RBM33: variants seen among roughly 807,000 people sequenced by gnomAD.
RBM33 encodes the protein RNA-binding protein 33.
Under a neutral mutation model 132.6 loss-of-function variants are expected in RBM33, and 28 were observed. That is an observed-to-expected ratio of 0.21 (90% CI 0.16 to 0.29). The LOEUF (loss-of-function observed/expected upper bound fraction) is 0.29. RBM33 is among the 10% of genes least tolerant of loss of function. The pLI is 1.00. For missense variants in RBM33, 1,291 were observed against 1,518.5 expected, an observed-to-expected ratio of 0.85 and a Z score of 2.49; for synonymous variants, 634 against 593.0, an observed-to-expected ratio of 1.07 and a Z score of -1.01.
chr7:155,747,294 C>G (rs1801548275), intron 14 of RBM33, among the ~76,000 whole-genome samples: 1 of 152,122 alleles, frequency 6.6e-6, no homozygotes, highest in African/African-American at 2.4e-5. Context: ...TGCTTTTGAC[C>G]TTGTTTTTAA....
intron 6 of RBM33, among the ~76,000 whole-genome samples, chr7:155,705,076 T>G (rs1258534909): frequency 6.6e-6 from 1 of 152,228 alleles, no homozygotes; most frequent in Non-Finnish European, 1.5e-5. Flanking sequence ...TTTCTTAACA[T>G]TTTAGAAAGG....
chr7:155,738,803 A>G (rs1000246241), intron 11 of RBM33: 4 of 184,924 alleles, frequency 2.2e-5, no homozygotes, highest in African/African-American at 9.5e-5. Flanking sequence ...GGAGGGAAGA[A>G]GATGTTGCTG....
intron 6 of RBM33, 130 bp from the exon 7 acceptor site, chr7:155,706,730 G>C: frequency 2.9e-6 from 2 of 683,516 alleles, no homozygotes; most frequent in Non-Finnish European, 5.0e-6. Flanking sequence ...CTGCTAGTTG[G>C]GTGTTTCCTG....
At chr7:155,710,900 T>C (rs917321870) in intron 7 of RBM33, among the ~76,000 whole-genome samples, 6 of 127,220 alleles carry the variant, frequency 4.7e-5, no homozygotes, top group South Asian at 5.7e-4. Context: ...TTCAATTCCC[T>C]GAACTGAATT....
At chr7:155,711,695 A>T (rs544230722) in intron 8 of RBM33, among the ~76,000 whole-genome samples, 3 of 152,154 alleles carry the variant, frequency 2.0e-5, no homozygotes, top group Admixed American at 6.5e-5. Context: ...GATTTTGCCA[A>T]CTGTGCAATG....
At position 155,708,392 on chromosome 7, in the gene RBM33, G is replaced by A. The variant is rs1800177986; in HGVS notation, c.948+1324G>A. Among the ~76,000 whole-genome samples, 6 of 152,248 alleles carry A rather than the reference G, an allele frequency of 3.9e-5. No homozygotes were observed. The South Asian group carries it at 1.2e-3, about 32-fold the overall frequency. On this transcript the variant is annotated intron_variant, in intron 7 of 17. Transcript: ENST00000401878. Reference sequence around the variant, plus strand: ...ACCTCCACTGGCCATATGTTGAATAGCCATTTTGATTATTTTGGCCTCTTT... The same window carrying A: ...ACCTCCACTGGCCATATGTTGAATAACCATTTTGATTATTTTGGCCTCTTT...
rs192967238 is a variant in RBM33 at position 155,647,768 on chromosome 7, A to G, written c.43+2849A>G. Reference sequence around the variant, plus strand: ...TTGGTATTGCAGCCAAGTAGTAAGGATAGAGAAATGGAATTGCTATCCTTA... The same window carrying G: ...TTGGTATTGCAGCCAAGTAGTAAGGGTAGAGAAATGGAATTGCTATCCTTA... On this transcript the variant is annotated intron_variant, in intron 1 of 17. Transcript: ENST00000401878. Among the ~76,000 whole-genome samples, 615 of 152,308 alleles carry G rather than the reference A, an allele frequency of 4.0e-3. 2 individuals carry two copies. The highest frequency in any genetic ancestry group is 5.2e-3 in the Non-Finnish European group (356 of 68,034).
intron 9 of RBM33, among the ~76,000 whole-genome samples, chr7:155,727,080 C>T (rs2117006336): frequency 6.6e-6 from 1 of 152,336 alleles, no homozygotes; most frequent in East Asian, 1.9e-4. Context: ...ACTTAGTTAA[C>T]AGTGACTGTT....
intron 14 of RBM33, among the ~76,000 whole-genome samples, chr7:155,754,882 A>G (rs1801798087): frequency 6.6e-6 from 1 of 152,186 alleles, no homozygotes; most frequent in African/African-American, 2.4e-5. Context: ...GCCTGTGTAG[A>G]CCTAGTTCCA....
intron 16 of RBM33, among the ~76,000 whole-genome samples, chr7:155,769,480 A>G (rs181060378): frequency 3.3e-5 from 5 of 152,312 alleles, no homozygotes; most frequent in African/African-American, 1.2e-4. Flanking sequence ...TGCAGTGCAG[A>G]AGCCTCTCCC....
chr7:155,660,235 A>G (rs1202498543), intron 1 of RBM33, among the ~76,000 whole-genome samples: 2 of 152,096 alleles, frequency 1.3e-5, no homozygotes, highest in Non-Finnish European at 2.9e-5. Flanking sequence ...CACCACACCC[A>G]GCTAAGTTTT....
chr7:155,701,075 G>C (rs1171436476), intron 6 of RBM33, 131 bp downstream of exon 6: 1 of 760,328 alleles, frequency 1.3e-6, no homozygotes, highest in Non-Finnish European at 2.3e-6. Flanking sequence ...AGAGTGGCCG[G>C]ACTTTGGAGT....
At chr7:155,664,297 C>T (rs991268244) in intron 1 of RBM33, among the ~76,000 whole-genome samples, 20 of 151,682 alleles carry the variant, frequency 1.3e-4, no homozygotes, top group African/African-American at 4.6e-4. Context: ...TTCTGTCACT[C>T]AGGCTGAGTG....
chr7:155,758,983 G>C (rs955016306), intron 14 of RBM33, among the ~76,000 whole-genome samples: 1 of 152,184 alleles, frequency 6.6e-6, no homozygotes, highest in Non-Finnish European at 1.5e-5. Flanking sequence ...AGGCCCACCC[G>C]GCCCCACGGA....
intron 5 of RBM33, among the ~76,000 whole-genome samples, chr7:155,682,316 T>C (rs1163974084): frequency 6.6e-6 from 1 of 152,186 alleles, no homozygotes; most frequent in African/African-American, 2.4e-5. Context: ...AATAGAATCA[T>C]GTAAAAGGCA....
chr7:155,727,006 A>G (rs757897838), intron 9 of RBM33, among the ~76,000 whole-genome samples: 10 of 152,254 alleles, frequency 6.6e-5, no homozygotes, highest in Non-Finnish European at 1.0e-4. Flanking sequence ...TGTCAGCTAC[A>G]ATAGAATATC....
chr7:155,772,587 A>G (rs1802467145), intron 16 of RBM33, among the ~76,000 whole-genome samples: 1 of 152,214 alleles, frequency 6.6e-6, no homozygotes, highest in African/African-American at 2.4e-5. Context: ...GTGGGGCTTT[A>G]CTTTTCCTGT....
chr7:155,736,109 T>C (rs963213082), intron 9 of RBM33, among the ~76,000 whole-genome samples: 1 of 152,200 alleles, frequency 6.6e-6, no homozygotes, highest in African/African-American at 2.4e-5. Context: ...ATCTTAAGGG[T>C]TTGTGGTGTT....
intron 1 of RBM33, among the ~76,000 whole-genome samples, chr7:155,655,517 G>T (rs1798467677): frequency 7.8e-6 from 1 of 127,504 alleles, no homozygotes; most frequent in Admixed American, 7.8e-5. Context: ...TTTCATAACG[G>T]TATTAAGGCT....
Sources: gnomAD v4.1 joint callset for allele counts (sites outside exome capture counted in the v4.1 genomes callset) on GRCh38, gnomAD v4.1.1 for gene constraint, MANE v1.5 for transcripts, NCBI Gene and HGNC (gene_info 2026-07-23, HGNC 2026-07-21) for gene names.